OR2G3: variants seen among roughly 807,000 people sequenced by gnomAD.
The protein encoded by OR2G3 is olfactory receptor family 2 subfamily G member 3.
For missense variants in OR2G3, 375 were observed against 364.4 expected, an observed-to-expected ratio of 1.03 and a Z score of -0.24; for synonymous variants, 154 against 144.5, an observed-to-expected ratio of 1.07 and a Z score of -0.47.
chr1:247,606,502 C>T lies in OR2G3; in HGVS notation c.917C>T (p.Ser306Leu), dbSNP rs754133704. ...AAAGAGGCTCTGAGGAAACTTCTCTCGGGAAAATTGTGATTCCTATGGACA... is the reference window on the plus strand; with the variant it reads ...AAAGAGGCTCTGAGGAAACTTCTCTTGGGAAAATTGTGATTCCTATGGACA... The part of the protein sequence containing the change: ...DMKEALRKLL[S>L]GKL The change falls in exon 1 of 1, where the codon TCG (serine) becomes TTG (leucine). Residue 306 changes from serine to leucine, a missense_variant. Coordinates refer to ENST00000320002, the MANE Select transcript of OR2G3 (RefSeq NM_001001914.1). The T allele has an allele frequency of 3.8e-5, 61 of 1,596,544 alleles. No homozygotes were observed. The Admixed American group carries it at 5.7e-4, about 15-fold the overall frequency.
In OR2G3 at chr1:247,606,322, C is replaced by T. The variant is rs772264488; in HGVS notation, c.737C>T (p.Thr246Ile). The change falls in exon 1 of 1, where the codon ACA becomes ATA. Residue 246 changes from threonine to isoleucine, a missense_variant. Coordinates refer to ENST00000320002, the MANE Select transcript of OR2G3 (RefSeq NM_001001914.1). ...TTCAGCACCTGCTCCTCCCACCTTA[C>T]AGTGGTGATTATATTCTATGGCACC... ...KAFSTCSSHLTVVIIFYGTII... is the reference protein window; with the variant it reads ...KAFSTCSSHLIVVIIFYGTII... 1 of 1,614,168 alleles carries T rather than the reference C, an allele frequency of 6.2e-7. No individual in the cohort carries two copies. Among genetic ancestry groups the T allele is most frequent in the African/African-American group, 1.3e-5 (1 of 75,064 alleles).
In OR2G3 at chr1:247,605,822, T is replaced by C; in HGVS notation, c.237T>C (p.Pro79=). ...LDICFTTSLA[P]QTLVNLQRPK... is the part of the protein sequence containing the mutation. Reference sequence around the variant, plus strand: ...TCTGCTTCACTACTAGCCTTGCTCCTCAGACCTTAGTTAACTTGCAAAGAC... The same window carrying C: ...TCTGCTTCACTACTAGCCTTGCTCCCCAGACCTTAGTTAACTTGCAAAGAC... The change falls in exon 1 of 1, where the codon CCT becomes CCC. Residue 79 remains proline (P), a synonymous_variant. Transcript: ENST00000320002. 1.2e-6 allele frequency: 2 copies of C among 1,614,182 alleles called. No individual in the cohort carries two copies. The highest frequency in any genetic ancestry group is 1.7e-6 in the Non-Finnish European group (2 of 1,180,024).
rs1186961874 is a variant in OR2G3 at position 247,606,003 on chromosome 1, C to T, written c.418C>T (p.Leu140Phe). 4.3e-6 allele frequency: 7 copies of T among 1,614,088 alleles called. No individual in the cohort carries two copies. In the African/African-American group the frequency reaches 8.0e-5, roughly 18 times the overall value. Residue 140 changes from leucine to phenylalanine, a missense_variant, in exon 1 of 1, where the codon CTT becomes TTT. Physicochemically the swap from Leu to Phe is conservative, Grantham distance 22. Coordinates refer to ENST00000320002, the MANE Select transcript of OR2G3 (RefSeq NM_001001914.1). ...LHYVVIMNPR[L>F]CQQLASISWL... ...CTATGTAGTCATCATGAACCCACGG[C>T]TTTGCCAACAGCTGGCATCTATCTC... is the stretch of plus-strand genomic sequence containing the variant.
In OR2G3 at chr1:247,606,020, A is replaced by G. The variant is rs1417367360; in HGVS notation, c.435A>G (p.Ala145=). 3 of 1,614,126 alleles carry G rather than the reference A, an allele frequency of 1.9e-6. No homozygotes were observed. Among genetic ancestry groups the G allele is most frequent in the South Asian group, 2.2e-5 (2 of 91,072 alleles). ...IMNPRLCQQL[A]SISWLSGLAS... ...ACCCACGGCTTTGCCAACAGCTGGCATCTATCTCCTGGCTCAGTGGTTTGG... is the reference window on the plus strand; with the variant it reads ...ACCCACGGCTTTGCCAACAGCTGGCGTCTATCTCCTGGCTCAGTGGTTTGG... The change falls in exon 1 of 1, where the codon GCA becomes GCG. Residue 145 remains alanine (A), a synonymous_variant. Coordinates refer to ENST00000320002, the MANE Select transcript of OR2G3 (RefSeq NM_001001914.1).
Position 247,606,453 on chromosome 1 carries a change from T to C in OR2G3, c.868T>C (p.Tyr290His). The stretch of plus-strand genomic sequence containing the variant: ...GACCCCCACTTTAAATCCTATCATC[T>C]ATACTTTAAGGAACAAGGATATGAA... Reference protein sequence around the residue: ...MVTPTLNPIIYTLRNKDMKEA... With the variant: ...MVTPTLNPIIHTLRNKDMKEA... Residue 290 changes from tyrosine to histidine, a missense_variant, in exon 1 of 1, where the codon TAT becomes CAT. Coordinates refer to ENST00000320002, the MANE Select transcript of OR2G3 (RefSeq NM_001001914.1). The C allele has an allele frequency of 6.2e-7, 1 of 1,613,398 alleles. No individual in the cohort carries two copies. Among genetic ancestry groups the C allele is most frequent in the Non-Finnish European group, 8.5e-7 (1 of 1,179,572 alleles).
chr1:247,605,666 CT>C lies in OR2G3; in HGVS notation c.84del (p.Phe28LeufsTer10). Reference sequence around the variant, plus strand: ...ACCACCCTCGTCTGGAGGCTGTTCTCTTTGTATTTGTCCTTTTCTTCTACCT... The same window carrying C: ...ACCACCCTCGTCTGGAGGCTGTTCTCTTGTATTTGTCCTTTTCTTCTACCT... ...SDHPRLEAVL[F>X]VFVLFFYLLT... On this transcript the variant is annotated frameshift_variant, in exon 1 of 1. Coordinates refer to ENST00000320002, the MANE Select transcript of OR2G3 (RefSeq NM_001001914.1). LOFTEE classifies it low-confidence loss of function (END_TRUNC). 6.2e-7 allele frequency: 1 copy of C among 1,613,972 alleles called. No individual in the cohort carries two copies. Among genetic ancestry groups the C allele is most frequent in the Non-Finnish European group, 8.5e-7 (1 of 1,179,880 alleles).
Position 247,606,104 on chromosome 1 carries a change from G to C in OR2G3, c.519G>C (p.Arg173Ser), listed in dbSNP as rs1475093739. 1.2e-6 allele frequency: 2 copies of C among 1,614,050 alleles called. No individual in the cohort carries two copies. Among genetic ancestry groups the C allele is most frequent in the Admixed American group, 3.3e-5 (2 of 60,010 alleles). ...TLQLPLCGNH[R>S]LDHFICEVPA... ...AATTGCCTCTCTGTGGCAACCATAGGCTGGACCATTTTATTTGCGAAGTAC... is the reference window on the plus strand; with the variant it reads ...AATTGCCTCTCTGTGGCAACCATAGCCTGGACCATTTTATTTGCGAAGTAC... Residue 173 changes from arginine to serine, a missense_variant, in exon 1 of 1, where the codon AGG becomes AGC. Transcript: ENST00000320002.
Position 247,605,819 on chromosome 1 carries a change from T to C in OR2G3, c.234T>C (p.Ala78=). 1 of 1,614,144 alleles carries C rather than the reference T, an allele frequency of 6.2e-7. No individual in the cohort carries two copies. The highest frequency in any genetic ancestry group is 8.5e-7 in the Non-Finnish European group (1 of 1,180,022). The change falls in exon 1 of 1, where the codon GCT becomes GCC. Residue 78 remains alanine, a synonymous_variant. Transcript: ENST00000320002. The part of the protein sequence containing the change: ...LLDICFTTSL[A]PQTLVNLQRP... ...ACATCTGCTTCACTACTAGCCTTGCTCCTCAGACCTTAGTTAACTTGCAAA... is the reference window on the plus strand; with the variant it reads ...ACATCTGCTTCACTACTAGCCTTGCCCCTCAGACCTTAGTTAACTTGCAAA...
At position 247,605,741 on chromosome 1, in the gene OR2G3, TC is replaced by T; in HGVS notation, c.161del (p.Pro54LeufsTer29). ...CCATAATCATCATCTCATATCTGGA[TC>T]CCCCTCTTCATACCCCAATGTACTT... ...FTIIIISYLDPPLHTPMYFFL... is the reference protein window; with the variant it reads ...FTIIIISYLDXPLHTPMYFFL... On this transcript the variant is annotated frameshift_variant, in exon 1 of 1. Coordinates refer to ENST00000320002, the MANE Select transcript of OR2G3 (RefSeq NM_001001914.1). LOFTEE classifies it low-confidence loss of function (END_TRUNC). 6.2e-7 allele frequency: 1 copy of T among 1,614,038 alleles called. No individual in the cohort carries two copies. Among genetic ancestry groups the T allele is most frequent in the Non-Finnish European group, 8.5e-7 (1 of 1,179,980 alleles).
rs145229745 is a variant in OR2G3 at position 247,606,068 on chromosome 1, T to C, written c.483T>C (p.Thr161=). 2 of 1,614,042 alleles carry C rather than the reference T, an allele frequency of 1.2e-6. No individual in the cohort carries two copies. The highest frequency in any genetic ancestry group is 2.7e-5 in the African/African-American group (2 of 74,916). The change falls in exon 1 of 1, where the codon ACT becomes ACC. Residue 161 remains threonine (T), a synonymous_variant. Coordinates refer to ENST00000320002, the MANE Select transcript of OR2G3 (RefSeq NM_001001914.1). ...SGLASSLIHA[T]FTLQLPLCGN... ...TGGCTAGTTCCCTAATCCATGCAAC[T>C]TTTACCTTGCAATTGCCTCTCTGTG...
chr1:247,606,330 A>T lies in OR2G3; in HGVS notation c.745A>T (p.Ile249Phe). 1 of 1,614,152 alleles carries T rather than the reference A, an allele frequency of 6.2e-7. No homozygotes were observed. Among genetic ancestry groups the T allele is most frequent in the South Asian group, 1.1e-5 (1 of 91,086 alleles). The change falls in exon 1 of 1, where the codon ATT becomes TTT. Residue 249 changes from isoleucine to phenylalanine, a missense_variant. By Grantham distance (21) the Ile-to-Phe change is conservative. Coordinates refer to ENST00000320002, the MANE Select transcript of OR2G3 (RefSeq NM_001001914.1). ...STCSSHLTVV[I>F]IFYGTIIYVY... ...CTGCTCCTCCCACCTTACAGTGGTGATTATATTCTATGGCACCATAATCTA... is the reference window on the plus strand; with the variant it reads ...CTGCTCCTCCCACCTTACAGTGGTGTTTATATTCTATGGCACCATAATCTA...
chr1:247,605,831 A>G lies in OR2G3; in HGVS notation c.246A>G (p.Leu82=). 6.2e-7 allele frequency: 1 copy of G among 1,614,072 alleles called. No homozygotes were observed. The highest frequency in any genetic ancestry group is 1.3e-5 in the African/African-American group (1 of 74,994). ...CTACTAGCCTTGCTCCTCAGACCTT[A>G]GTTAACTTGCAAAGACCAAAGAAGA... The part of the protein sequence containing the change: ...CFTTSLAPQT[L]VNLQRPKKTI... The change falls in exon 1 of 1, where the codon TTA becomes TTG. Residue 82 remains leucine, a synonymous_variant. Transcript: ENST00000320002.
In OR2G3 at chr1:247,606,189, GT is replaced by G. The variant is rs1446673556; in HGVS notation, c.606del (p.Ser203ValfsTer19). 2 of 1,614,158 alleles carry G rather than the reference GT, an allele frequency of 1.2e-6. No individual in the cohort carries two copies. Among genetic ancestry groups the G allele is most frequent in the South Asian group, 2.2e-5 (2 of 91,088 alleles). Reference protein sequence around the residue: ...TTVNELVLFVVSVLFVVIPPA... With the variant: ...TTVNELVLFVXSVLFVVIPPA... ...TGTCAATGAATTGGTGCTTTTTGTT[GT>G]TAGTGTTCTGTTTGTTGTCATTCCA... On this transcript the variant is annotated frameshift_variant, in exon 1 of 1. Coordinates refer to ENST00000320002, the MANE Select transcript of OR2G3 (RefSeq NM_001001914.1). LOFTEE classifies it low-confidence loss of function (END_TRUNC).
chr1:247,606,206 T>C lies in OR2G3; in HGVS notation c.621T>C (p.Val207=), dbSNP rs774572421. ...LVLFVVSVLF[V]VIPPALISIS... ...TTTTTGTTGTTAGTGTTCTGTTTGT[T>C]GTCATTCCACCAGCACTCATCTCCA... The change falls in exon 1 of 1, where the codon GTT becomes GTC. Residue 207 remains valine (V), a synonymous_variant. Coordinates refer to ENST00000320002, the MANE Select transcript of OR2G3 (RefSeq NM_001001914.1). 4.4e-5 allele frequency: 71 copies of C among 1,614,126 alleles called. No individual in the cohort carries two copies. The highest frequency in any genetic ancestry group is 5.8e-5 in the Non-Finnish European group (69 of 1,180,058).
At position 247,606,488 on chromosome 1, in the gene OR2G3, G is replaced by A; in HGVS notation, c.903G>A (p.Leu301=). 1 of 1,604,276 alleles carries A rather than the reference G, an allele frequency of 6.2e-7. No individual in the cohort carries two copies. Among genetic ancestry groups the A allele is most frequent in the Non-Finnish European group, 8.5e-7 (1 of 1,176,042 alleles). The change falls in exon 1 of 1, where the codon CTG becomes CTA. Residue 301 remains leucine, a synonymous_variant. Coordinates refer to ENST00000320002, the MANE Select transcript of OR2G3 (RefSeq NM_001001914.1). ...GGAACAAGGATATGAAAGAGGCTCT[G>A]AGGAAACTTCTCTCGGGAAAATTGT... ...TLRNKDMKEA[L]RKLLSGKL is the part of the protein sequence containing the mutation.
In OR2G3 at chr1:247,606,133, C is replaced by T; in HGVS notation, c.548C>T (p.Ala183Val). ...GACCATTTTATTTGCGAAGTACCAG[C>T]TCTTCTCAAGTTGGCTTGTGTGGAC... is the stretch of plus-strand genomic sequence containing the variant. ...RLDHFICEVP[A>V]LLKLACVDTT... Residue 183 changes from alanine to valine, a missense_variant, in exon 1 of 1, where the codon GCT becomes GTT. Ala to Val is a moderately conservative substitution (Grantham distance 64). Coordinates refer to ENST00000320002, the MANE Select transcript of OR2G3 (RefSeq NM_001001914.1). 6.2e-7 allele frequency: 1 copy of T among 1,614,190 alleles called. No individual in the cohort carries two copies. The highest frequency in any genetic ancestry group is 8.5e-7 in the Non-Finnish European group (1 of 1,180,026).
rs1558275418 is a variant in OR2G3, at chr1:247,606,354, T to C, written c.769T>C (p.Tyr257His). 5 of 1,614,212 alleles carry C rather than the reference T, an allele frequency of 3.1e-6. No homozygotes were observed. The highest frequency in any genetic ancestry group is 4.2e-6 in the Non-Finnish European group (5 of 1,180,040). ...GATTATATTCTATGGCACCATAATC[T>C]ACGTGTACCTGCAACCTAGTGACAG... ...VVIIFYGTII[Y>H]VYLQPSDSYA... The change falls in exon 1 of 1, where the codon TAC becomes CAC. Residue 257 changes from tyrosine (Y) to histidine (H), a missense_variant. Coordinates refer to ENST00000320002, the MANE Select transcript of OR2G3 (RefSeq NM_001001914.1).
chr1:247,605,846 A>C lies in OR2G3; in HGVS notation c.261A>C (p.Arg87Ser). The C allele has an allele frequency of 2.5e-6, 4 of 1,614,158 alleles. No individual in the cohort carries two copies. Among genetic ancestry groups the C allele is most frequent in the Non-Finnish European group, 2.5e-6 (3 of 1,180,030 alleles). The change falls in exon 1 of 1, where the codon AGA (arginine) becomes AGC (serine). Residue 87 changes from arginine to serine, a missense_variant. Transcript: ENST00000320002. ...CTCAGACCTTAGTTAACTTGCAAAG[A>C]CCAAAGAAGACGATCACTTACGGTG... ...LAPQTLVNLQ[R>S]PKKTITYGGC... is the part of the protein sequence containing the mutation.
rs751379256 is a variant in OR2G3 at position 247,605,779 on chromosome 1, A to T, written c.194A>T (p.Asn65Ile). 28 of 1,613,590 alleles carry T rather than the reference A, an allele frequency of 1.7e-5. No homozygotes were observed. The South Asian group carries it at 2.3e-4, about 13-fold the overall frequency. Reference protein sequence around the residue: ...LHTPMYFFLSNLSLLDICFTT... With the variant: ...LHTPMYFFLSILSLLDICFTT... ...ACCCCAATGTACTTTTTTCTCAGCA[A>T]CCTCTCTTTACTGGACATCTGCTTC... The change falls in exon 1 of 1, where the codon AAC becomes ATC. Residue 65 changes from asparagine (N) to isoleucine (I), a missense_variant. Coordinates refer to ENST00000320002, the MANE Select transcript of OR2G3 (RefSeq NM_001001914.1).
Sources: gnomAD v4.1 joint callset for allele counts on GRCh38, gnomAD v4.1.1 for gene constraint, MANE v1.5 for transcripts, NCBI Gene and HGNC (gene_info 2026-07-23, HGNC 2026-07-21) for gene names.